The following ATXN7 variants were observed in gnomAD, a reference collection of about 807,000 sequenced individuals.
ATXN7 encodes the protein ataxin-7.
ATXN7 carries 12 observed loss-of-function variants against 70.5 expected under a neutral mutation model. That is an observed-to-expected ratio of 0.17 (90% confidence interval 0.11 to 0.28). The LOEUF (loss-of-function observed/expected upper bound fraction) is 0.28, where lower values mean the gene tolerates loss of function less well. ATXN7 is among the 10% of genes least tolerant of loss of function. ATXN7 has a pLI of 1.00. For missense variants in ATXN7, 1,256 were observed against 1,131.7 expected, an observed-to-expected ratio of 1.11 and a Z score of -1.58; for synonymous variants, 498 against 448.7, an observed-to-expected ratio of 1.11 and a Z score of -1.39.
intron 4 of ATXN7, among the ~76,000 whole-genome samples, chr3:63,942,577 A>G (rs1047258625): frequency 2.6e-5 from 4 of 152,190 alleles, no homozygotes; most frequent in Admixed American, 1.3e-4. Context: ...TATTCAGTGC[A>G]TAAATGAATG....
rs193922929 is a variant in ATXN7 at position 63,912,684 on chromosome 3, GGCAGCAGCAGCAGCAGCAGCA to G, written c.98_118del (p.Gln33_Gln39del). 1.1e-5 allele frequency: 12 copies of G among 1,086,974 alleles called. No individual in the cohort carries two copies. The highest frequency in any genetic ancestry group is 1.3e-5 in the Non-Finnish European group (12 of 892,730). The allele number at this position is 1,086,974 out of a possible 1,614,324, so 67.3% of individuals were successfully genotyped here. A position where few individuals can be genotyped will look rare whatever the true frequency, so the allele number is the denominator to read the frequency against. ...GGCGGAGCAGCGGCCGCGGCCGCCC[GGCAGCAGCAGCAGCAGCAGCA>G]GCAGCAGCAGCCGCCGCCTCCGCAG... On this transcript the variant is annotated inframe_deletion, in exon 3 of 13. Coordinates refer to ENST00000674280, the MANE Select transcript of ATXN7 (RefSeq NM_001377405.1).
intron 4 of ATXN7, among the ~76,000 whole-genome samples, chr3:63,929,335 C>T (rs189015990): frequency 6.7e-6 from 1 of 150,016 alleles, no homozygotes; most frequent in Non-Finnish European, 1.5e-5. Context: ...TGCAGTGGCG[C>T]CATCTCGGCT....
chr3:63,926,623 C>A (rs1704725252), intron 4 of ATXN7, among the ~76,000 whole-genome samples: 1 of 152,114 alleles, frequency 6.6e-6, no homozygotes, highest in African/African-American at 2.4e-5. Flanking sequence ...AAATCCAAAT[C>A]CTTTACTGTT....
rs2075853861 is a variant in ATXN7, at chr3:64,003,212, T to C, written c.*3745T>C. 6.8e-6 allele frequency: 1 copy of C among 147,522 alleles called. No homozygotes were observed. The highest frequency in any genetic ancestry group is 2.5e-5 in the African/African-American group (1 of 39,878). The allele number at this position is 147,522 out of a possible 1,614,324, so 9.1% of individuals were successfully genotyped here. A position where few individuals can be genotyped will look rare whatever the true frequency, so the allele number is the denominator to read the frequency against. On this transcript the variant is annotated 3_prime_UTR_variant, in exon 13 of 13. Transcript: ENST00000674280. Reference sequence around the variant, plus strand: ...GGCCTTGAAAGCATTTTGCTTTTTTTTTTTTTTTTTTTTTTTTGAGCTTGG... The same window carrying C: ...GGCCTTGAAAGCATTTTGCTTTTTTCTTTTTTTTTTTTTTTTTGAGCTTGG...
intron 1 of ATXN7, among the ~76,000 whole-genome samples, chr3:63,889,137 A>AATAGCTG (rs1430526505): frequency 1.3e-5 from 2 of 152,216 alleles, no homozygotes; most frequent in Non-Finnish European, 2.9e-5. Context: ...ATGCCGACGT[A>AATAGCTG]ATAGCTGATT....
chr3:63,863,479 C>T, upstream of ATXN7: 1 of 1,167,094 alleles, frequency 8.6e-7, no homozygotes, highest in Non-Finnish European at 1.1e-6. Context: ...GTGTTCCCAG[C>T]CCACCGACCA....
intron 5 of ATXN7, among the ~76,000 whole-genome samples, chr3:63,974,030 G>A (rs2075355329): frequency 6.6e-6 from 1 of 152,134 alleles, no homozygotes; most frequent in South Asian, 2.1e-4. Context: ...GATTTAACCT[G>A]TAGCTTGGTT....
At chr3:63,995,395 C>G in intron 11 of ATXN7, 110 bp from the exon 12 acceptor site, 1 of 1,230,822 alleles carries the variant, frequency 8.1e-7, no homozygotes, top group African/African-American at 1.5e-5. Context: ...AGAGTGATTG[C>G]TTTGATGTGG....
At chr3:63,949,838 C>A (rs1362308156) in intron 4 of ATXN7, among the ~76,000 whole-genome samples, 1 of 152,142 alleles carries the variant, frequency 6.6e-6, no homozygotes, top group Non-Finnish European at 1.5e-5. Flanking sequence ...TTTCCGGTCA[C>A]ACAAACCAGA....
At chr3:63,892,374 CCACACACACACA>C (rs56293497) in intron 1 of ATXN7, among the ~76,000 whole-genome samples, 12 of 133,474 alleles carry the variant, frequency 9.0e-5, no homozygotes, top group South Asian at 7.7e-4. Context: ...GACACCTCTA[CCACACACACACA>C]CACACACACA....
chr3:63,962,491 A>G (rs1286768759), intron 5 of ATXN7, among the ~76,000 whole-genome samples: 1 of 152,012 alleles, frequency 6.6e-6, no homozygotes, highest in Non-Finnish European at 1.5e-5. Flanking sequence ...TGCAGCCTCC[A>G]TCTCCCAGGT....
At chr3:63,994,298 G>A (rs950826452) in intron 11 of ATXN7, among the ~76,000 whole-genome samples, 8 of 152,114 alleles carry the variant, frequency 5.3e-5, no homozygotes, top group Admixed American at 4.6e-4. Flanking sequence ...GCAGTAGTGT[G>A]ATTTCAGCTC....
At chr3:63,969,893 T>C (rs1192489560) in intron 5 of ATXN7, among the ~76,000 whole-genome samples, 2 of 152,208 alleles carry the variant, frequency 1.3e-5, no homozygotes, top group South Asian at 4.1e-4. Context: ...CTCACCTGTA[T>C]ACCTGAGGTA....
intron 8 of ATXN7, among the ~76,000 whole-genome samples, chr3:63,985,567 T>G (rs2075563496): frequency 1.3e-5 from 2 of 152,344 alleles, no homozygotes; most frequent in South Asian, 4.1e-4. Context: ...CCTGAGTGTT[T>G]CCCAAGTTGC....
intron 2 of ATXN7, among the ~76,000 whole-genome samples, chr3:63,906,388 A>T (rs1399376847): frequency 6.6e-6 from 1 of 152,204 alleles, no homozygotes; most frequent in Non-Finnish European, 1.5e-5. Flanking sequence ...TGTTCGTCCT[A>T]GGTTTCACCC....
intron 5 of ATXN7, among the ~76,000 whole-genome samples, chr3:63,952,710 A>C (rs1005240950): frequency 1.3e-5 from 2 of 152,062 alleles, no homozygotes; most frequent in African/African-American, 4.8e-5. Flanking sequence ...GAGAAAGTAT[A>C]GTTTATAAAA....
chr3:63,924,654 A>G (rs1559633939), intron 4 of ATXN7, among the ~76,000 whole-genome samples: 1 of 152,186 alleles, frequency 6.6e-6, no homozygotes, highest in Non-Finnish European at 1.5e-5. Context: ...AAGTCAGGCC[A>G]GAGAATCGAT....
chr3:63,919,014 G>C (rs538565274), intron 4 of ATXN7, among the ~76,000 whole-genome samples: 1 of 147,974 alleles, frequency 6.8e-6, no homozygotes, highest in South Asian at 2.1e-4. Flanking sequence ...TAACGCGTAG[G>C]TGCAGGAACC....
At chr3:63,909,772 CAA>C (rs991690569) in intron 2 of ATXN7, among the ~76,000 whole-genome samples, 1 of 152,010 alleles carries the variant, frequency 6.6e-6, no homozygotes, top group Admixed American at 6.6e-5. Context: ...TTGGCTGCAG[CAA>C]AAGAGAACTG....
Sources: allele counts gnomAD v4.1 joint callset (sites outside exome capture counted in the v4.1 genomes callset), GRCh38; gene constraint gnomAD v4.1.1; transcripts MANE v1.5; gene names NCBI Gene and HGNC (gene_info 2026-07-23, HGNC 2026-07-21).